The following IQCJ variants were observed in gnomAD, a reference collection of about 807,000 sequenced individuals.
The protein encoded by IQCJ is IQ domain-containing protein J.
A neutral mutation model predicts 11.0 loss-of-function variants in IQCJ; 9 were observed. The observed-to-expected ratio is 0.82, with a 90% CI of 0.49 to 1.43. The LOEUF is 1.43. IQCJ is among the 40% of genes most tolerant of loss of function. The probability of loss-of-function intolerance (pLI) is 0.00; values close to 1 mark genes in which losing one functional copy is unlikely to be tolerated. For missense variants in IQCJ, 146 were observed against 133.2 expected (o/e 1.10, Z -0.47); for synonymous variants, 55 against 51.3 (o/e 1.07, Z -0.31).
chr3:159,086,234 T>C (rs1230803146), intron 1 of IQCJ, among the ~76,000 whole-genome samples: 2 of 152,112 alleles, frequency 1.3e-5, no homozygotes, highest in Admixed American at 6.5e-5. Context: ...TGTAGATATG[T>C]GTCGTTATTT....
At chr3:159,103,595 T>C (rs1304642305) in intron 1 of IQCJ, among the ~76,000 whole-genome samples, 1 of 152,248 alleles carries the variant, frequency 6.6e-6, no homozygotes, top group Non-Finnish European at 1.5e-5. Flanking sequence ...AAAATATTTA[T>C]GGAACAAGTT....
intron 1 of IQCJ, among the ~76,000 whole-genome samples, chr3:159,161,470 A>T (rs1259065293): frequency 6.6e-6 from 1 of 152,064 alleles, no homozygotes; most frequent in Middle Eastern, 3.4e-3. Context: ...TTTTCTCCCA[A>T]TTTGTAGGTT....
At chr3:159,243,702 G>T (rs1425062393) in intron 1 of IQCJ, among the ~76,000 whole-genome samples, 1 of 152,130 alleles carries the variant, frequency 6.6e-6, no homozygotes, top group Non-Finnish European at 1.5e-5. Flanking sequence ...GGAAGCATTT[G>T]ATAAAACTCA....
downstream of IQCJ, chr3:159,263,889 A>C (rs1455389198): frequency 1.1e-6 from 1 of 902,124 alleles, no homozygotes; most frequent in East Asian, 1.2e-4. Context: ...ACAATTATTT[A>C]GGGGAATGGC....
chr3:159,231,454 T>A (rs1450497714), intron 1 of IQCJ, among the ~76,000 whole-genome samples: 1 of 152,234 alleles, frequency 6.6e-6, no homozygotes, highest in Admixed American at 6.5e-5. Context: ...ATTCTTTTAT[T>A]TCCTGCAAGC....
rs961828959 is a variant in IQCJ at position 159,143,652 on chromosome 3, G to T, written c.9+74211G>T. Among the ~76,000 whole-genome samples, 3 of 152,152 alleles carry T rather than the reference G, an allele frequency of 2.0e-5. No individual in the cohort carries two copies. In the East Asian group the frequency reaches 5.8e-4, roughly 29 times the overall value. ...TGACAGGTTGGAGGAAGGAGAGAAGGTCATGAATCTCCATGTGTCAGTAAT... is the reference window on the plus strand; with the variant it reads ...TGACAGGTTGGAGGAAGGAGAGAAGTTCATGAATCTCCATGTGTCAGTAAT... On this transcript the variant is annotated intron_variant, in intron 1 of 3. Transcript: ENST00000397832.
At chr3:159,108,679 A>C (rs963699615) in intron 1 of IQCJ, among the ~76,000 whole-genome samples, 45 of 152,232 alleles carry the variant, frequency 3.0e-4, no homozygotes, top group Non-Finnish European at 5.0e-4. Context: ...ACTCTGCAGC[A>C]ATAATTTATT....
chr3:159,153,196 A>G (rs1272134010), intron 1 of IQCJ, among the ~76,000 whole-genome samples: 3 of 152,392 alleles, frequency 2.0e-5, no homozygotes, highest in African/African-American at 7.2e-5. Context: ...ATATTAATAC[A>G]TAAACTTTAA....
In IQCJ at chr3:159,118,467, C is replaced by T. The variant is rs1220913394; in HGVS notation, c.9+49026C>T. Among the ~76,000 whole-genome samples the T allele has an allele frequency of 2.0e-5, 3 of 152,202 alleles. No individual in the cohort carries two copies. The East Asian group carries it at 5.8e-4, about 29-fold the overall frequency. ...ACAACCTTCCAGATACTTTTATAAA[C>T]ATCTTACATGTATCGGCTCATAAAA... is the stretch of plus-strand genomic sequence containing the variant. On this transcript the variant is annotated intron_variant, in intron 1 of 3. Transcript: ENST00000397832.
At chr3:159,132,936 G>GCTTTCTTTT (rs140109175) in intron 1 of IQCJ, among the ~76,000 whole-genome samples, 38,288 of 151,644 alleles carry the variant, frequency 0.25, 5,863 homozygotes, top group South Asian at 0.4. Context: ...TTCTTTCTTT[G>GCTTTCTTTT]CTTTCTTTTC....
At chr3:159,151,885 T>C (rs574675522) in intron 1 of IQCJ, among the ~76,000 whole-genome samples, 22 of 152,314 alleles carry the variant, frequency 1.4e-4, no homozygotes, top group East Asian at 5.8e-4. Context: ...CCGCCCACCT[T>C]GGCCTCCCAA....
chr3:159,247,695 C>T (rs1010131607), intron 2 of IQCJ, among the ~76,000 whole-genome samples: 2 of 152,156 alleles, frequency 1.3e-5, no homozygotes, highest in Non-Finnish European at 2.9e-5. Flanking sequence ...CCAGATTTTA[C>T]ACAGAAAAGC....
intron 2 of IQCJ, among the ~76,000 whole-genome samples, chr3:159,250,587 C>T (rs1402024870): frequency 6.6e-6 from 1 of 152,256 alleles, no homozygotes; most frequent in East Asian, 1.9e-4. Context: ...GCAGAAGGCA[C>T]CTCTTCACAG....
intron 1 of IQCJ, among the ~76,000 whole-genome samples, chr3:159,150,371 C>T (rs9869992): frequency 0.056 from 8,591 of 152,160 alleles, 792 homozygotes; most frequent in African/African-American, 0.19. Context: ...TGAAGTATGT[C>T]TTCCGGTTCC....
chr3:159,179,148 C>T lies in IQCJ; in HGVS notation c.10-66695C>T, dbSNP rs143961895. Among the ~76,000 whole-genome samples, 405 of 152,186 alleles carry T rather than the reference C, an allele frequency of 2.7e-3. 5 individuals are homozygous for T. The highest frequency in any genetic ancestry group is 9.1e-3 in the African/African-American group (380 of 41,544). On this transcript the variant is annotated intron_variant, in intron 1 of 3. Coordinates refer to ENST00000397832, the MANE Select transcript of IQCJ (RefSeq NM_001042706.3). ...GGAATCCTTCCTTCTTTTATTCAAACGCTAATCATTGCCCTCATGTCATTT... is the reference window on the plus strand; with the variant it reads ...GGAATCCTTCCTTCTTTTATTCAAATGCTAATCATTGCCCTCATGTCATTT...
chr3:159,073,103 T>C (rs1198404193), intron 1 of IQCJ, among the ~76,000 whole-genome samples: 1 of 152,062 alleles, frequency 6.6e-6, no homozygotes, highest in Admixed American at 6.6e-5. Context: ...CCCAACCCAA[T>C]GGCAACCTCT....
At chr3:159,161,287 G>T (rs985015168) in intron 1 of IQCJ, among the ~76,000 whole-genome samples, 1 of 152,174 alleles carries the variant, frequency 6.6e-6, no homozygotes, top group Non-Finnish European at 1.5e-5. Context: ...CAGTGATGGT[G>T]GAGCACTTTT....
rs1170734632 is a variant in IQCJ at position 159,241,778 on chromosome 3, T to A, written c.10-4065T>A. On this transcript the variant is annotated intron_variant, in intron 1 of 3. Coordinates refer to ENST00000397832, the MANE Select transcript of IQCJ (RefSeq NM_001042706.3). ...GGCACTATTCTAGGCACTGAAAATA[T>A]AGTGGTGGATGTGACAAAAAACCTA... Among the ~76,000 whole-genome samples the A allele has an allele frequency of 7.0e-4, 106 of 152,194 alleles. 1 individual carries two copies. The highest frequency in any genetic ancestry group is 1.5e-5 in the Non-Finnish European group (1 of 68,022).
At chr3:159,249,528 C>T (rs971723596) in intron 2 of IQCJ, among the ~76,000 whole-genome samples, 1 of 152,164 alleles carries the variant, frequency 6.6e-6, no homozygotes, top group Admixed American at 6.5e-5. Flanking sequence ...CAAGCAGTGA[C>T]CACCAGCCCT....
Sources: gnomAD v4.1 joint callset for allele counts (sites outside exome capture counted in the v4.1 genomes callset) on GRCh38, gnomAD v4.1.1 for gene constraint, MANE v1.5 for transcripts, NCBI Gene and HGNC (gene_info 2026-07-23, HGNC 2026-07-21) for gene names.